NAV2: variants seen among roughly 807,000 people sequenced by gnomAD.
The protein encoded by NAV2 is helicase, APC down-regulated 1.
Under a neutral mutation model 223.2 loss-of-function variants are expected in NAV2, and 54 were observed. The ratio of observed to expected loss-of-function variants is 0.24; its 90% CI spans 0.19 to 0.30. The LOEUF is 0.30. Among genes scored for constraint, NAV2 ranks in the 10% least tolerant of loss-of-function variants. The probability of loss-of-function intolerance (pLI) is 1.00; values close to 1 mark genes in which losing one functional copy is unlikely to be tolerated. For missense variants in NAV2, 2,806 were observed against 3,147.5 expected, an observed-to-expected ratio of 0.89 and a Z score of 2.60; for synonymous variants, 1,279 against 1,239.3, an observed-to-expected ratio of 1.03 and a Z score of -0.67.
chr11:19,733,707 G>A (rs572876614), intron 1 of NAV2, among the ~76,000 whole-genome samples: 85 of 152,096 alleles, frequency 5.6e-4, no homozygotes, highest in Non-Finnish European at 1.1e-3. Flanking sequence ...AGCTATCATG[G>A]GATTCCAAGT....
At chr11:20,085,380 A>G (rs1473000382) in intron 26 of NAV2, among the ~76,000 whole-genome samples, 1 of 152,294 alleles carries the variant, frequency 6.6e-6, no homozygotes, top group African/African-American at 2.4e-5. Flanking sequence ...AAGAGAGGAG[A>G]TGAATGTTAA....
In NAV2 at chr11:19,884,179, G is replaced by T. The variant is rs565752906; in HGVS notation, c.770+4052G>T. 70 of 704,466 alleles carry T rather than the reference G, an allele frequency of 9.9e-5. No homozygotes were observed. In the South Asian group the frequency reaches 1.1e-3, roughly 11 times the overall value. 43.6% of individuals were successfully genotyped at this position (704,466 alleles called of 1,614,324 possible). ...GTGTGTCATAGAAAACAGTGGGCAG[G>T]GGGGGAAAGAAACAGCAACATCCCC... On this transcript the variant is annotated intron_variant, in intron 5 of 37. Transcript: ENST00000349880.
At chr11:20,015,735 A>T (rs1177608551) in intron 11 of NAV2, among the ~76,000 whole-genome samples, 1 of 152,210 alleles carries the variant, frequency 6.6e-6, no homozygotes, top group East Asian at 1.9e-4. Context: ...CTGATATTTT[A>T]AAGAGAACAA....
intron 1 of NAV2, among the ~76,000 whole-genome samples, chr11:19,730,796 G>T (rs1206782538): frequency 6.6e-6 from 1 of 151,500 alleles, no homozygotes; most frequent in Non-Finnish European, 1.5e-5. Flanking sequence ...GGTCCTCAGG[G>T]GCATTCTTTT....
At chr11:20,080,496 AT>A (rs2060023028) in intron 25 of NAV2, among the ~76,000 whole-genome samples, 1 of 152,158 alleles carries the variant, frequency 6.6e-6, no homozygotes, top group Non-Finnish European at 1.5e-5. Context: ...TTTCTTCCTC[AT>A]TATATGTTGG....
chr11:19,696,128 G>T (rs974274966), intron 1 of NAV2, among the ~76,000 whole-genome samples: 3 of 151,458 alleles, frequency 2.0e-5, no homozygotes, highest in African/African-American at 7.3e-5. Context: ...TGCTCTCCTG[G>T]TTTTTTCGGC....
chr11:19,496,693 G>T (rs1408559589), intron 1 of NAV2, among the ~76,000 whole-genome samples: 1 of 152,200 alleles, frequency 6.6e-6, no homozygotes, highest in African/African-American at 2.4e-5. Context: ...GGGCCTGAAT[G>T]TTAGGTGGCA....
At chr11:19,569,685 A>G (rs895376003) in intron 1 of NAV2, among the ~76,000 whole-genome samples, 1 of 152,146 alleles carries the variant, frequency 6.6e-6, no homozygotes, top group Non-Finnish European at 1.5e-5. Context: ...GTCAACTTCA[A>G]GGCAAGGAAT....
intron 6 of NAV2, among the ~76,000 whole-genome samples, chr11:19,892,831 C>G (rs928570728): frequency 6.6e-6 from 1 of 152,144 alleles, no homozygotes. Flanking sequence ...GGTGGGGCCC[C>G]ATAGACACCC....
intron 1 of NAV2, among the ~76,000 whole-genome samples, chr11:19,737,324 C>T (rs981662288): frequency 6.6e-6 from 1 of 152,176 alleles, no homozygotes; most frequent in African/African-American, 2.4e-5. Flanking sequence ...GTCTATATAC[C>T]AGTTACAGTG....
At chr11:19,992,986 G>T (rs2051491827) in intron 11 of NAV2, among the ~76,000 whole-genome samples, 2 of 152,160 alleles carry the variant, frequency 1.3e-5, no homozygotes. Flanking sequence ...AGGAAAAGAT[G>T]TCTAGCAATA....
At chr11:20,037,556 G>C (rs2153569781) in intron 12 of NAV2, among the ~76,000 whole-genome samples, 1 of 152,278 alleles carries the variant, frequency 6.6e-6, no homozygotes, top group South Asian at 2.1e-4. Flanking sequence ...AGTGGGTGGT[G>C]GTAGTTGTTT....
At chr11:19,403,399 T>C (rs1849766223) in intron 1 of NAV2, among the ~76,000 whole-genome samples, 1 of 152,078 alleles carries the variant, frequency 6.6e-6, no homozygotes, top group African/African-American at 2.4e-5. Flanking sequence ...TCTTGCCAGG[T>C]CTGGGTTCAA....
intron 10 of NAV2, among the ~76,000 whole-genome samples, chr11:19,971,892 G>C (rs188929544): frequency 6.6e-6 from 1 of 152,084 alleles, no homozygotes; most frequent in Non-Finnish European, 1.5e-5. Context: ...TAGTAGAGAC[G>C]GGGTTTCACC....
intron 1 of NAV2, among the ~76,000 whole-genome samples, chr11:19,791,637 T>C (rs1210677166): frequency 6.6e-6 from 1 of 152,176 alleles, no homozygotes; most frequent in East Asian, 1.9e-4. Flanking sequence ...ACTGGTTGCC[T>C]TTCTCAAGCT....
intron 1 of NAV2, among the ~76,000 whole-genome samples, chr11:19,501,977 T>C (rs1236816798): frequency 1.3e-5 from 2 of 152,144 alleles, no homozygotes; most frequent in African/African-American, 2.4e-5. Context: ...GCATTGTAAG[T>C]GAACAGTCGA....
Position 19,471,307 on chromosome 11 carries a change from TACTC to T in NAV2, c.75+120283_75+120286del, listed in dbSNP as rs369953422. 3.7e-4 allele frequency among the ~76,000 whole-genome samples: 57 copies of T among 152,310 alleles called. 2 individuals are homozygous for T. Among genetic ancestry groups the T allele is most frequent in the African/African-American group, 1.3e-3 (55 of 41,560 alleles). ...TTCATCTGTGAGTTGGAAACAGTAA[TACTC>T]ACATCAGCAGGTGGTTGAGGTGAGA... On this transcript the variant is annotated intron_variant, in intron 1 of 37. Transcript: ENST00000360655.
At chr11:19,637,585 G>A (rs140301699) in intron 1 of NAV2, among the ~76,000 whole-genome samples, 9 of 152,324 alleles carry the variant, frequency 5.9e-5, no homozygotes, top group East Asian at 5.8e-4. Flanking sequence ...GTGTAGCCCC[G>A]GCATCTGCTT....
chr11:19,984,660 G>C (rs1292337776), intron 11 of NAV2, among the ~76,000 whole-genome samples: 3 of 152,194 alleles, frequency 2.0e-5, no homozygotes, highest in African/African-American at 7.2e-5. Context: ...CCTTGGCTGA[G>C]CAGCCTTCAC....
Sources: gnomAD v4.1 joint callset for allele counts (sites outside exome capture counted in the v4.1 genomes callset) on GRCh38, gnomAD v4.1.1 for gene constraint, MANE v1.5 for transcripts, NCBI Gene and HGNC (gene_info 2026-07-23, HGNC 2026-07-21) for gene names.